Variants in ZNF385D observed in about 807,000 individuals in gnomAD.
ZNF385D encodes zinc finger protein 385D.
ZNF385D carries 15 observed loss-of-function variants against 35.8 expected under a neutral mutation model. That is an observed-to-expected ratio of 0.42 (90% CI 0.28 to 0.64). ZNF385D has a LOEUF of 0.64. Among genes scored for constraint, ZNF385D ranks in the 30% least tolerant of loss-of-function variants. The pLI is 0.23. For missense variants in ZNF385D, 474 were observed against 494.6 expected, an observed-to-expected ratio of 0.96 and a Z score of 0.39; for synonymous variants, 212 against 186.8, an observed-to-expected ratio of 1.13 and a Z score of -1.10.
chr3:21,943,078 AG>A (rs1247089833), intron 3 of ZNF385D, among the ~76,000 whole-genome samples: 1 of 152,170 alleles, frequency 6.6e-6, no homozygotes, highest in Non-Finnish European at 1.5e-5. Flanking sequence ...AAGCCAAAAA[AG>A]GTCTTAACTT....
chr3:21,644,189 C>T (rs947674368), intron 2 of ZNF385D, among the ~76,000 whole-genome samples: 1 of 152,154 alleles, frequency 6.6e-6, no homozygotes, highest in Non-Finnish European at 1.5e-5. Flanking sequence ...ATTACAAAAA[C>T]ATCACCAAAC....
At chr3:21,852,417 A>G (rs1696439275) in intron 3 of ZNF385D, among the ~76,000 whole-genome samples, 1 of 151,922 alleles carries the variant, frequency 6.6e-6, no homozygotes. Flanking sequence ...AAGTGACTGT[A>G]ATAGACAGCA....
chr3:22,156,382 C>T (rs1705581076), intron 3 of ZNF385D, among the ~76,000 whole-genome samples: 1 of 151,438 alleles, frequency 6.6e-6, no homozygotes, highest in Admixed American at 6.6e-5. Context: ...GTGGTGTACA[C>T]AGCCCCCCTG....
At chr3:21,836,256 G>A (rs901694759) in intron 3 of ZNF385D, among the ~76,000 whole-genome samples, 11 of 151,990 alleles carry the variant, frequency 7.2e-5, no homozygotes, top group South Asian at 2.1e-4. Context: ...ATATGGAGGC[G>A]CATTAAATCA....
At chr3:21,769,170 G>A (rs1435808657) in intron 3 of ZNF385D, among the ~76,000 whole-genome samples, 1 of 151,970 alleles carries the variant, frequency 6.6e-6, no homozygotes, top group African/African-American at 2.4e-5. Flanking sequence ...TTGAAAACTG[G>A]CACAAGACAG....
intron 7 of ZNF385D, among the ~76,000 whole-genome samples, chr3:21,421,882 ATGT>A (rs1333539953): frequency 2.0e-5 from 3 of 152,220 alleles, no homozygotes; most frequent in Non-Finnish European, 4.4e-5. Context: ...TACATAGAGA[ATGT>A]TGTTTCCAAT....
rs890256687 is a variant in ZNF385D at position 22,142,441 on chromosome 3, G to A, written c.325+26376C>T. Reference sequence around the variant, plus strand: ...ATAATAAAAGTCCAATGTAGAGAACGAATCAAACCAGATGGTTTAATTCTG... The same window carrying A: ...ATAATAAAAGTCCAATGTAGAGAACAAATCAAACCAGATGGTTTAATTCTG... On this transcript the variant is annotated intron_variant, in intron 3 of 5. Coordinates refer to the ZNF385D transcript ENST00000494108. Among the ~76,000 whole-genome samples the A allele has an allele frequency of 3.9e-5, 6 of 152,132 alleles. 1 individual carries two copies. The highest frequency in any genetic ancestry group is 7.2e-5 in the African/African-American group (3 of 41,440).
intron 2 of ZNF385D, among the ~76,000 whole-genome samples, chr3:21,651,663 A>G (rs1265107867): frequency 6.6e-6 from 1 of 152,144 alleles, no homozygotes; most frequent in Non-Finnish European, 1.5e-5. Context: ...TTTTAAATTT[A>G]AACTGAACTT....
intron 3 of ZNF385D, among the ~76,000 whole-genome samples, chr3:22,161,949 G>A (rs1419343941): frequency 6.6e-6 from 1 of 152,170 alleles, no homozygotes; most frequent in Non-Finnish European, 1.5e-5. Context: ...AGCTTTACTG[G>A]CAAGTCTGTT....
In ZNF385D at chr3:22,045,707, T is replaced by C. The variant is rs139952132; in HGVS notation, c.325+123110A>G. 3.1e-3 allele frequency among the ~76,000 whole-genome samples: 474 copies of C among 150,974 alleles called. 2 individuals are homozygous for C. The highest frequency in any genetic ancestry group is 7.1e-3 in the South Asian group (33 of 4,652). On this transcript the variant is annotated intron_variant, in intron 3 of 5. Coordinates refer to the ZNF385D transcript ENST00000494108. Reference sequence around the variant, plus strand: ...ATGCTGTAATCACTTTCGAGTATTATTCAAAATATCTCACTTCTATTTTTT... The same window carrying C: ...ATGCTGTAATCACTTTCGAGTATTACTCAAAATATCTCACTTCTATTTTTT...
At chr3:22,338,769 C>A (rs956456036) in intron 2 of ZNF385D, among the ~76,000 whole-genome samples, 1 of 143,684 alleles carries the variant, frequency 7.0e-6, no homozygotes, top group Non-Finnish European at 1.5e-5. Flanking sequence ...GGCGCGATCT[C>A]GGCTCACTGT....
Position 22,246,480 on chromosome 3 carries a change from A to G in ZNF385D, c.107-77445T>C, listed in dbSNP as rs190727712. ...CACTTTTGCAAAGAAAAACCAATCT[A>G]TAAGTGAGAACCATACTCATAAGCC... On this transcript the variant is annotated intron_variant, in intron 2 of 5. Transcript: ENST00000494108. Among the ~76,000 whole-genome samples, 428 of 152,244 alleles carry G rather than the reference A, an allele frequency of 2.8e-3. 2 individuals are homozygous for G. Among genetic ancestry groups the G allele is most frequent in the African/African-American group, 9.9e-3 (412 of 41,568 alleles).
intron 3 of ZNF385D, among the ~76,000 whole-genome samples, chr3:22,137,611 A>T (rs1697053353): frequency 6.6e-6 from 1 of 152,228 alleles, no homozygotes. Context: ...CTTTGACAAA[A>T]TTCAACAGCC....
chr3:21,531,069 C>T (rs866489727), intron 3 of ZNF385D, among the ~76,000 whole-genome samples: 1 of 152,054 alleles, frequency 6.6e-6, no homozygotes, highest in Non-Finnish European at 1.5e-5. Context: ...TACATGATAG[C>T]TATAGATATT....
intron 2 of ZNF385D, among the ~76,000 whole-genome samples, chr3:22,173,365 G>A (rs928041692): frequency 6.6e-6 from 1 of 152,150 alleles, no homozygotes; most frequent in Non-Finnish European, 1.5e-5. Flanking sequence ...TAAATGTACC[G>A]TATTTACAAA....
intron 4 of ZNF385D, among the ~76,000 whole-genome samples, chr3:21,494,656 C>T (rs1422459590): frequency 6.6e-6 from 1 of 152,106 alleles, no homozygotes; most frequent in Non-Finnish European, 1.5e-5. Context: ...AATTTAAGAA[C>T]ATTTACCTCC....
intron 3 of ZNF385D, among the ~76,000 whole-genome samples, chr3:21,550,156 G>C (rs558344394): frequency 1.9e-4 from 29 of 152,202 alleles, no homozygotes; most frequent in Admixed American, 1.6e-3. Context: ...AGAAAATTTG[G>C]AAAGTAAAGA....
At chr3:22,074,352 T>C (rs1700367687) in intron 3 of ZNF385D, among the ~76,000 whole-genome samples, 1 of 152,018 alleles carries the variant, frequency 6.6e-6, no homozygotes, top group South Asian at 2.1e-4. Flanking sequence ...GCTGTAATTC[T>C]ATCCTTTGCT....
At chr3:22,122,563 G>C (rs1294186382) in intron 3 of ZNF385D, among the ~76,000 whole-genome samples, 1 of 152,036 alleles carries the variant, frequency 6.6e-6, no homozygotes, top group African/African-American at 2.4e-5. Context: ...AAGTGACAAA[G>C]CTCTCTGCAT....
Sources: gnomAD v4.1 joint callset for allele counts (sites outside exome capture counted in the v4.1 genomes callset) on GRCh38, gnomAD v4.1.1 for gene constraint, MANE v1.5 for transcripts, NCBI Gene and HGNC (gene_info 2026-07-23, HGNC 2026-07-21) for gene names.